Variants in NUP210L observed in about 807,000 individuals in gnomAD.
NUP210L encodes the protein nucleoporin 210 like.
In NUP210L, 74 loss-of-function variants were observed where a neutral mutation model predicts 208.5. The ratio of observed to expected loss-of-function variants is 0.35; its 90% confidence interval spans 0.29 to 0.43. The LOEUF (loss-of-function observed/expected upper bound fraction) is 0.43, where lower values mean the gene tolerates loss of function less well. NUP210L is among the 20% of genes least tolerant of loss of function. The probability of loss-of-function intolerance (pLI) is 1.00; values close to 1 mark genes in which losing one functional copy is unlikely to be tolerated. For synonymous variants in NUP210L, 780 were observed against 816.9 expected, an observed-to-expected ratio of 0.95 and a Z score of 0.77; for missense variants, 1,843 against 2,289.4, an observed-to-expected ratio of 0.81 and a Z score of 3.98.
intron 13 of NUP210L, among the ~76,000 whole-genome samples, chr1:154,101,749 G>T (rs1656480824): frequency 6.6e-6 from 1 of 152,148 alleles, no homozygotes; most frequent in Admixed American, 6.6e-5. Context: ...TCAAGCTGGA[G>T]AGATCAAGGA....
chr1:154,048,925 C>T (rs894829365), intron 25 of NUP210L, among the ~76,000 whole-genome samples: 1 of 152,066 alleles, frequency 6.6e-6, no homozygotes, highest in Non-Finnish European at 1.5e-5. Flanking sequence ...CCTGATTGTG[C>T]TGTATGTGGA....
chr1:154,005,525 GTGTTTGTT>G (rs557286760), intron 35 of NUP210L, among the ~76,000 whole-genome samples: 1 of 151,874 alleles, frequency 6.6e-6, no homozygotes, highest in Non-Finnish European at 1.5e-5. Flanking sequence ...ACCGCGCCCA[GTGTTTGTT>G]TGTTTGTTTG....
At chr1:154,116,380 C>T (rs1031390187) in intron 12 of NUP210L, among the ~76,000 whole-genome samples, 3 of 150,042 alleles carry the variant, frequency 2.0e-5, no homozygotes, top group South Asian at 2.1e-4. Context: ...GCTGAGATCA[C>T]GCCACTGCAC....
chr1:154,125,962 G>A (rs546636900), intron 10 of NUP210L, among the ~76,000 whole-genome samples: 80 of 150,824 alleles, frequency 5.3e-4, no homozygotes, highest in African/African-American at 1.8e-3. Context: ...TAGAGACGGG[G>A]TTTCACCGTT....
Position 154,058,558 on chromosome 1 carries a change from G to A in NUP210L, c.2979+7C>T, listed in dbSNP as rs748532755. On this transcript the variant is annotated splice_region_variant and intron_variant, in intron 21 of 39. Coordinates refer to ENST00000368559, the Ensembl canonical transcript of NUP210L. Reference sequence around the variant, plus strand: ...TTAATTTCTGAGATAAAACAAACATGTCTCACCTTATCAATCAGATCAAGC... The same window carrying A: ...TTAATTTCTGAGATAAAACAAACATATCTCACCTTATCAATCAGATCAAGC... 19 of 1,610,364 alleles carry A rather than the reference G, an allele frequency of 1.2e-5. No individual in the cohort carries two copies. In the East Asian group the frequency reaches 4.2e-4, roughly 36 times the overall value.
rs767209045 is a variant in NUP210L at position 154,080,994 on chromosome 1, G to GA, written c.2361+8426dup. ...GCTTCCGAAAAAAAAAAAAAGAAAA[G>GA]AAAAAAAAAGAAAAGAAAAAGAAGG... On this transcript the variant is annotated intron_variant, in intron 16 of 39. Coordinates refer to ENST00000368559, the Ensembl canonical transcript of NUP210L. 2.9e-4 allele frequency among the ~76,000 whole-genome samples: 39 copies of GA among 133,856 alleles called. No homozygotes were observed. In the East Asian group the frequency reaches 4.0e-3, roughly 14 times the overall value. 87.8% of individuals were successfully genotyped at this position (133,856 alleles called of 152,430 possible).
intron 13 of NUP210L, among the ~76,000 whole-genome samples, chr1:154,103,589 G>T (rs1428229566): frequency 2.2e-5 from 3 of 134,060 alleles, no homozygotes; most frequent in Admixed American, 1.5e-4. Context: ...GGAGAATGGC[G>T]TGAACCCGGG....
chr1:154,109,161 T>C (rs1239595330), intron 12 of NUP210L, among the ~76,000 whole-genome samples: 2 of 151,458 alleles, frequency 1.3e-5, no homozygotes, highest in Non-Finnish European at 2.9e-5. Context: ...ATGCTTCACC[T>C]ATAAAGACAC....
chr1:154,048,465 C>T (rs1000454973), intron 25 of NUP210L, among the ~76,000 whole-genome samples: 24 of 152,262 alleles, frequency 1.6e-4, no homozygotes, highest in African/African-American at 5.8e-4. Flanking sequence ...CAGTATGAGC[C>T]AGGTGTATGC....
At chr1:153,998,180 A>G (rs1557902487) in intron 37 of NUP210L, among the ~76,000 whole-genome samples, 2 of 152,184 alleles carry the variant, frequency 1.3e-5, no homozygotes, top group Admixed American at 1.3e-4. Context: ...AAAGCACACA[A>G]TACTGCTGAT....
In NUP210L at chr1:154,081,598, A is replaced by C. The variant is rs562072168; in HGVS notation, c.2361+7823T>G. Reference sequence around the variant, plus strand: ...TAGCAGCCCCACCTCCAGGGAAAAGAGGAGGGCTGGTGATGGAGTTTAATC... The same window carrying C: ...TAGCAGCCCCACCTCCAGGGAAAAGCGGAGGGCTGGTGATGGAGTTTAATC... On this transcript the variant is annotated intron_variant, in intron 16 of 39. Transcript: ENST00000368559. 3.3e-5 allele frequency among the ~76,000 whole-genome samples: 5 copies of C among 152,318 alleles called. No homozygotes were observed. The East Asian group carries it at 7.7e-4, about 23-fold the overall frequency.
intron 12 of NUP210L, among the ~76,000 whole-genome samples, chr1:154,116,610 C>T (rs1657349273): frequency 6.6e-6 from 1 of 151,934 alleles, no homozygotes; most frequent in African/African-American, 2.4e-5. Context: ...ATCTGTAGTC[C>T]TGGCTACTTG....
Position 154,058,219 on chromosome 1 carries a change from A to G in NUP210L, c.2980-3T>C, listed in dbSNP as rs776974778. 3 of 1,613,456 alleles carry G rather than the reference A, an allele frequency of 1.9e-6. No individual in the cohort carries two copies. Among genetic ancestry groups the G allele is most frequent in the East Asian group, 2.2e-5 (1 of 44,868 alleles). ...AACACAGTTTTGTCTATTTCAACCTAGTAGTTAAAAAGAAAAAGATTTTAG... is the reference window on the plus strand; with the variant it reads ...AACACAGTTTTGTCTATTTCAACCTGGTAGTTAAAAAGAAAAAGATTTTAG... On this transcript the variant is annotated splice_polypyrimidine_tract_variant and splice_region_variant and intron_variant, in intron 21 of 39. Transcript: ENST00000368559.
At chr1:154,112,717 A>T (rs1462038992) in intron 12 of NUP210L, among the ~76,000 whole-genome samples, 1 of 152,006 alleles carries the variant, frequency 6.6e-6, no homozygotes, top group African/African-American at 2.4e-5. Flanking sequence ...TTAGCTGAGC[A>T]TGGTGGTATA....
chr1:154,105,989 G>A (rs1331018754), intron 12 of NUP210L, among the ~76,000 whole-genome samples: 8 of 152,112 alleles, frequency 5.3e-5, no homozygotes, highest in Non-Finnish European at 7.4e-5. Context: ...GGCTGGGTGC[G>A]GTGGCTTACA....
chr1:154,116,443 A>T (rs1275188717), intron 12 of NUP210L, among the ~76,000 whole-genome samples: 1 of 148,708 alleles, frequency 6.7e-6, no homozygotes, highest in East Asian at 2.0e-4. Flanking sequence ...AAAAAAAAAA[A>T]TGGGGCTGGG....
chr1:154,104,389 C>T (rs1656638682), intron 12 of NUP210L, 179 bp from the exon 13 acceptor site: 2 of 597,878 alleles, frequency 3.3e-6, no homozygotes, highest in South Asian at 2.0e-5. Flanking sequence ...GGTGAGCAAT[C>T]ACAGTACCTG....
chr1:154,037,824 G>A (rs972353528), intron 27 of NUP210L, among the ~76,000 whole-genome samples: 1 of 152,092 alleles, frequency 6.6e-6, no homozygotes, highest in African/African-American at 2.4e-5. Flanking sequence ...CACCATGTTG[G>A]CAAGGCTTGT....
At chr1:154,068,924 A>G (rs1346040500) in intron 17 of NUP210L, among the ~76,000 whole-genome samples, 1 of 152,132 alleles carries the variant, frequency 6.6e-6, no homozygotes, top group Non-Finnish European at 1.5e-5. Flanking sequence ...ATGTATACAT[A>G]TGTAACTAAC....
Sources: gnomAD v4.1 joint callset for allele counts (sites outside exome capture counted in the v4.1 genomes callset) on GRCh38, gnomAD v4.1.1 for gene constraint, MANE v1.5 for transcripts, NCBI Gene and HGNC (gene_info 2026-07-23, HGNC 2026-07-21) for gene names.